The following MGAT4C variants were observed in gnomAD, a reference collection of about 807,000 sequenced individuals.
MGAT4C encodes the protein alpha-1,3-mannosyl-glycoprotein 4-beta-N-acetylglucosaminyltransferase C.
Under a neutral mutation model 40.1 loss-of-function variants are expected in MGAT4C, and 19 were observed. That is an observed-to-expected ratio of 0.47 (90% confidence interval 0.33 to 0.70). The LOEUF (loss-of-function observed/expected upper bound fraction) is 0.70, where lower values mean the gene tolerates loss of function less well. MGAT4C is among the 30% of genes least tolerant of loss of function. The pLI is 0.02. For missense variants in MGAT4C, 491 were observed against 563.2 expected (o/e 0.87, Z 1.30); for synonymous variants, 181 against 187.1 (o/e 0.97, Z 0.27).
At chr12:86,241,253 A>ATGACTATGCATGTATCAT (rs1345516733) in intron 1 of MGAT4C, among the ~76,000 whole-genome samples, 2 of 152,146 alleles carry the variant, frequency 1.3e-5, no homozygotes, top group Non-Finnish European at 2.9e-5. Context: ...AAGTCACTTT[A>ATGACTATGCATGTATCAT]TGACTATACA....
chr12:86,555,972 T>C (rs533856253), intron 2 of MGAT4C, among the ~76,000 whole-genome samples: 1 of 152,338 alleles, frequency 6.6e-6, no homozygotes, highest in South Asian at 2.1e-4. Context: ...TTTGAACTAC[T>C]GGAAGATATA....
intron 1 of MGAT4C, among the ~76,000 whole-genome samples, chr12:86,203,187 G>C (rs937976287): frequency 6.6e-6 from 1 of 152,052 alleles, no homozygotes; most frequent in African/African-American, 2.4e-5. Context: ...TCTGTATTTT[G>C]TTTAGCTTTA....
intron 1 of MGAT4C, among the ~76,000 whole-genome samples, chr12:86,752,634 A>G (rs927603477): frequency 6.6e-6 from 1 of 152,218 alleles, no homozygotes; most frequent in African/African-American, 2.4e-5. Flanking sequence ...TGAACATAGG[A>G]TATCTCTCAA....
intron 2 of MGAT4C, among the ~76,000 whole-genome samples, chr12:86,608,068 T>C (rs1387860352): frequency 1.3e-5 from 2 of 152,154 alleles, no homozygotes; most frequent in Non-Finnish European, 2.9e-5. Context: ...TTGAGGTTAA[T>C]ATGTTACCAT....
At chr12:86,243,382 C>T (rs1415574728) in intron 1 of MGAT4C, among the ~76,000 whole-genome samples, 1 of 152,192 alleles carries the variant, frequency 6.6e-6, no homozygotes, top group Non-Finnish European at 1.5e-5. Flanking sequence ...TAGACACACC[C>T]TGAGGTGACC....
At chr12:86,574,179 G>A (rs1034701721) in intron 2 of MGAT4C, among the ~76,000 whole-genome samples, 3 of 151,448 alleles carry the variant, frequency 2.0e-5, no homozygotes, top group African/African-American at 7.3e-5. Context: ...TATGCATTAG[G>A]ATATTGAGAG....
chr12:86,649,966 T>G (rs1963650521), intron 2 of MGAT4C, among the ~76,000 whole-genome samples: 1 of 151,852 alleles, frequency 6.6e-6, no homozygotes, highest in Non-Finnish European at 1.5e-5. Context: ...AGACTTCCCC[T>G]CCTGCAATGC....
intron 3 of MGAT4C, among the ~76,000 whole-genome samples, chr12:86,382,890 T>C (rs1382933150): frequency 6.6e-6 from 1 of 152,214 alleles, no homozygotes; most frequent in East Asian, 1.9e-4. Context: ...AATGCCTGAA[T>C]GGCCAGGCAG....
chr12:86,491,820 A>C (rs1958142498), intron 2 of MGAT4C, among the ~76,000 whole-genome samples: 1 of 151,870 alleles, frequency 6.6e-6, no homozygotes, highest in South Asian at 2.1e-4. Flanking sequence ...AGAAGGAAAT[A>C]AAGGGTATTC....
chr12:86,603,105 A>G (rs1961845412), intron 2 of MGAT4C, among the ~76,000 whole-genome samples: 1 of 151,232 alleles, frequency 6.6e-6, no homozygotes, highest in African/African-American at 2.4e-5. Flanking sequence ...TTTCCAGGAT[A>G]TGAGAGAAAT....
chr12:86,115,724 G>A (rs1166165213), intron 1 of MGAT4C, among the ~76,000 whole-genome samples: 1 of 152,002 alleles, frequency 6.6e-6, no homozygotes, highest in African/African-American at 2.4e-5. Flanking sequence ...AAGGAAGATC[G>A]AAGAAATTCA....
At chr12:86,159,067 A>C (rs986281019) in intron 1 of MGAT4C, among the ~76,000 whole-genome samples, 4 of 152,112 alleles carry the variant, frequency 2.6e-5, no homozygotes, top group Admixed American at 2.6e-4. Context: ...TTCCAGTACT[A>C]TGTAGAATAG....
rs61210059 is a variant in MGAT4C at position 86,318,605 on chromosome 12, T to C, written c.-57+15460A>G. On this transcript the variant is annotated intron_variant, in intron 4 of 7. Transcript: ENST00000548651. ...AATATTTTTTGTACCTTAAACTTAC[T>C]GTATAGTTGGCTTCCAGATCTAAGT... Among the ~76,000 whole-genome samples, 98 of 152,352 alleles carry C rather than the reference T, an allele frequency of 6.4e-4. 1 individual carries two copies. The highest frequency in any genetic ancestry group is 2.2e-3 in the African/African-American group (92 of 41,584).
intron 1 of MGAT4C, among the ~76,000 whole-genome samples, chr12:86,209,787 G>A (rs1950388334): frequency 6.6e-6 from 1 of 152,096 alleles, no homozygotes; most frequent in East Asian, 1.9e-4. Flanking sequence ...CTTCTTCACT[G>A]TACCATATGC....
At chr12:86,144,924 T>C (rs1164007909) in intron 1 of MGAT4C, among the ~76,000 whole-genome samples, 1 of 152,124 alleles carries the variant, frequency 6.6e-6, no homozygotes, top group Non-Finnish European at 1.5e-5. Flanking sequence ...ATGCATGCTC[T>C]TCATTTCACA....
At chr12:86,184,805 G>A (rs1443276054) in intron 1 of MGAT4C, among the ~76,000 whole-genome samples, 1 of 148,786 alleles carries the variant, frequency 6.7e-6, no homozygotes, top group Non-Finnish European at 1.5e-5. Flanking sequence ...CCTGCACTAG[G>A]CTCCTGAAGA....
intron 1 of MGAT4C, among the ~76,000 whole-genome samples, chr12:86,810,921 C>T (rs1952458992): frequency 6.6e-6 from 1 of 151,660 alleles, no homozygotes; most frequent in Non-Finnish European, 1.5e-5. Flanking sequence ...TTAGCAATTG[C>T]TCTGAATATT....
rs1951219775 is a variant in MGAT4C, at chr12:86,229,261, G to A, written c.-57+26978C>T. Among the ~76,000 whole-genome samples the A allele has an allele frequency of 5.9e-5, 9 of 151,870 alleles. 1 individual carries two copies. The highest frequency in any genetic ancestry group is 2.2e-4 in the African/African-American group (9 of 41,500). ...GAAATGCTTAATGTCTTAAAACATT[G>A]AATTGCAAGAATAATGCTTAAATAT... On this transcript the variant is annotated intron_variant, in intron 1 of 4. Transcript: ENST00000611864.
chr12:86,001,566 G>A, intron 2 of MGAT4C: 1 of 902,712 alleles, frequency 1.1e-6, no homozygotes, highest in Non-Finnish European at 1.3e-6. Context: ...CTGAGCCAGT[G>A]CTCCAAATGA....
Sources: allele counts gnomAD v4.1 joint callset (sites outside exome capture counted in the v4.1 genomes callset), GRCh38; gene constraint gnomAD v4.1.1; transcripts MANE v1.5; gene names NCBI Gene and HGNC (gene_info 2026-07-23, HGNC 2026-07-21).